SLCO3A1: variants seen among roughly 807,000 people sequenced by gnomAD.
SLCO3A1 encodes the protein solute carrier organic anion transporter family member 3A1.
SLCO3A1 carries 27 observed loss-of-function variants against 63.1 expected under a neutral mutation model. The observed-to-expected ratio is 0.43, with a 90% confidence interval of 0.32 to 0.59. SLCO3A1 has a LOEUF of 0.59. Ranked by LOEUF, SLCO3A1 falls within the 20% of genes least tolerant of loss-of-function variation. SLCO3A1 has a pLI of 0.09. For missense variants in SLCO3A1, 773 were observed against 945.8 expected (o/e 0.82, Z 2.40); for synonymous variants, 473 against 409.9 (o/e 1.15, Z -1.86).
At chr15:92,031,579 G>C (rs376353930) in intron 2 of SLCO3A1, among the ~76,000 whole-genome samples, 1 of 152,312 alleles carries the variant, frequency 6.6e-6, no homozygotes, top group South Asian at 2.1e-4. Flanking sequence ...CTCTGTAGAA[G>C]TGTGGTATGT....
chr15:92,054,633 T>C lies in SLCO3A1; in HGVS notation c.647-40248T>C, dbSNP rs1401662211. Among the ~76,000 whole-genome samples the C allele has an allele frequency of 5.6e-5, 8 of 142,618 alleles. No homozygotes were observed. The Admixed American group carries it at 5.6e-4, about 10-fold the overall frequency. 93.6% of individuals were successfully genotyped at this position (142,618 alleles called of 152,430 possible). ...ACCCCCGCCCACAGGCCCCAGGGTG[T>C]GTTGTTCCCCTCCCTGTGTCCATGT... On this transcript the variant is annotated intron_variant, in intron 2 of 9. Coordinates refer to ENST00000318445, the MANE Select transcript of SLCO3A1 (RefSeq NM_013272.4).
chr15:92,070,233 T>C (rs2151514214), intron 2 of SLCO3A1, among the ~76,000 whole-genome samples: 1 of 152,368 alleles, frequency 6.6e-6, no homozygotes, highest in East Asian at 1.9e-4. Flanking sequence ...GTAAAGGAGT[T>C]CAGGCATGTG....
At chr15:91,879,738 C>T (rs1177541815) in intron 1 of SLCO3A1, among the ~76,000 whole-genome samples, 1 of 152,106 alleles carries the variant, frequency 6.6e-6, no homozygotes, top group African/African-American at 2.4e-5. Flanking sequence ...AGCTAATGGT[C>T]CAGTTTTCTT....
chr15:92,086,442 A>T (rs1242875706), intron 2 of SLCO3A1, among the ~76,000 whole-genome samples: 1 of 151,440 alleles, frequency 6.6e-6, no homozygotes, highest in Non-Finnish European at 1.5e-5. Flanking sequence ...GTTTCTGTCG[A>T]TTTTTCTCCT....
At chr15:92,161,380 A>AT (rs1654268162) in intron 9 of SLCO3A1, among the ~76,000 whole-genome samples, 1 of 152,172 alleles carries the variant, frequency 6.6e-6, no homozygotes, top group African/African-American at 2.4e-5. Context: ...GATGATTGTC[A>AT]TGGGCAGCCA....
intron 1 of SLCO3A1, among the ~76,000 whole-genome samples, chr15:91,888,567 C>T (rs8036437): frequency 0.75 from 113,650 of 152,090 alleles, 43,965 homozygotes; most frequent in East Asian, 0.97. Flanking sequence ...AATTTTTTTT[C>T]CTACAAAGTG....
intron 2 of SLCO3A1, among the ~76,000 whole-genome samples, chr15:92,089,677 C>T (rs1446297613): frequency 1.3e-5 from 2 of 152,094 alleles, no homozygotes; most frequent in African/African-American, 4.8e-5. Context: ...CTTTTCTTCC[C>T]CAGGGTCCAG....
Position 92,165,589 on chromosome 15 carries a change from A to G in SLCO3A1, c.*2454A>G, listed in dbSNP as rs78249375. 1.1e-3 allele frequency: 1,055 copies of G among 985,146 alleles called. 4 individuals are homozygous for G. The African/African-American group carries it at 0.016, about 15-fold the overall frequency. The allele number at this position is 985,146 out of a possible 1,614,324, so 61.0% of individuals were successfully genotyped here. On this transcript the variant is annotated 3_prime_UTR_variant, in exon 10 of 10. Coordinates refer to ENST00000318445, the MANE Select transcript of SLCO3A1 (RefSeq NM_013272.4). ...AGGATGAATGTGAAAAAGATGTTAG[A>G]ATAACAGGAAGACAACTCCAGGGCT...
intron 1 of SLCO3A1, among the ~76,000 whole-genome samples, chr15:91,876,360 T>C (rs2151338978): frequency 6.6e-6 from 1 of 152,318 alleles, no homozygotes; most frequent in Admixed American, 6.5e-5. Flanking sequence ...TAGTCAGGAT[T>C]TTGGCAAGTG....
At chr15:91,931,801 GCACA>G (rs747533145) in intron 2 of SLCO3A1, among the ~76,000 whole-genome samples, 1 of 149,882 alleles carries the variant, frequency 6.7e-6, no homozygotes, top group Non-Finnish European at 1.5e-5. Flanking sequence ...ACACACACAC[GCACA>G]CACACACACA....
chr15:92,076,821 G>A (rs1275091930), intron 2 of SLCO3A1, among the ~76,000 whole-genome samples: 2 of 152,204 alleles, frequency 1.3e-5, no homozygotes, highest in Non-Finnish European at 2.9e-5. Flanking sequence ...AATAGGGGAT[G>A]AGTGTGATTT....
chr15:92,062,800 T>A (rs1445224927), intron 2 of SLCO3A1, among the ~76,000 whole-genome samples: 1 of 152,172 alleles, frequency 6.6e-6, no homozygotes, highest in Non-Finnish European at 1.5e-5. Context: ...CTCTGCTGGA[T>A]GCTCATTAAG....
At chr15:91,963,409 G>GGC (rs1555418581) in intron 2 of SLCO3A1, among the ~76,000 whole-genome samples, 2 of 41,528 alleles carry the variant, frequency 4.8e-5, no homozygotes, top group African/African-American at 1.0e-4. Flanking sequence ...CGGGGAGGGT[G>GGC]GGGGGGGGGG....
At chr15:91,974,798 T>C (rs376232777) in intron 2 of SLCO3A1, among the ~76,000 whole-genome samples, 4 of 152,334 alleles carry the variant, frequency 2.6e-5, no homozygotes, top group East Asian at 3.9e-4. Flanking sequence ...GGGGTGACCC[T>C]GTCTTCAAGA....
At chr15:92,103,299 C>T (rs1329222885) in intron 3 of SLCO3A1, among the ~76,000 whole-genome samples, 2 of 152,098 alleles carry the variant, frequency 1.3e-5, no homozygotes, top group Non-Finnish European at 2.9e-5. Context: ...AGCAGCTCAC[C>T]TGGGAGCTGT....
intron 2 of SLCO3A1, among the ~76,000 whole-genome samples, chr15:91,996,067 A>G (rs1298661263): frequency 6.6e-6 from 1 of 152,180 alleles, no homozygotes; most frequent in East Asian, 1.9e-4. Flanking sequence ...AGAAAAGAAC[A>G]AACAAAATTG....
intron 2 of SLCO3A1, among the ~76,000 whole-genome samples, chr15:91,957,116 A>ACTATATAGTATATATATT (rs1271110657): frequency 8.4e-5 from 1 of 11,880 alleles, no homozygotes; most frequent in African/African-American, 1.3e-3. Context: ...ATATATATAT[A>ACTATATAGTATATATATT]ATATATATAA....
intron 9 of SLCO3A1, among the ~76,000 whole-genome samples, chr15:92,160,492 T>TATG (rs1290794741): frequency 6.6e-6 from 1 of 152,050 alleles, no homozygotes; most frequent in Admixed American, 6.5e-5. Flanking sequence ...ATGCTACGAA[T>TATG]ATGCGCTTCC....
At chr15:92,169,320 A>G (rs904381186), downstream of SLCO3A1, among the ~76,000 whole-genome samples, 6 of 152,188 alleles carry the variant, frequency 3.9e-5, no homozygotes, top group Non-Finnish European at 1.5e-5. Context: ...TCCCAGACAG[A>G]CCCATAACCA....
Sources: gnomAD v4.1 joint callset for allele counts (sites outside exome capture counted in the v4.1 genomes callset) on GRCh38, gnomAD v4.1.1 for gene constraint, MANE v1.5 for transcripts, NCBI Gene and HGNC (gene_info 2026-07-23, HGNC 2026-07-21) for gene names.